Variants in R3HCC1L observed in about 807,000 individuals in gnomAD.
The protein encoded by R3HCC1L is coiled-coil domain-containing protein R3HCC1L.
R3HCC1L carries 51 observed loss-of-function variants against 59.9 expected under a neutral mutation model. The observed-to-expected ratio is 0.85, with a 90% CI of 0.68 to 1.07. R3HCC1L has a LOEUF of 1.07. Among genes scored for constraint, R3HCC1L ranks in the 50% least tolerant of loss-of-function variants. The probability of loss-of-function intolerance (pLI) is 0.00; values close to 1 mark genes in which losing one functional copy is unlikely to be tolerated. For missense variants in R3HCC1L, 965 were observed against 933.0 expected, an observed-to-expected ratio of 1.03 and a Z score of -0.45; for synonymous variants, 322 against 315.2, an observed-to-expected ratio of 1.02 and a Z score of -0.23.
intron 4 of R3HCC1L, among the ~76,000 whole-genome samples, chr10:98,190,001 GAGGATGTTCA>G (rs1315273362): frequency 6.6e-6 from 1 of 152,182 alleles, no homozygotes; most frequent in Non-Finnish European, 1.5e-5. Context: ...ACCACAATTT[GAGGATGTTCA>G]AGTCTCTGAT....
intron 6 of R3HCC1L, among the ~76,000 whole-genome samples, chr10:98,232,334 C>T (rs1402052266): frequency 6.6e-6 from 1 of 152,122 alleles, no homozygotes; most frequent in Admixed American, 6.6e-5. Context: ...TTTTTACGCT[C>T]TGCTCCTGTT....
chr10:98,235,431 A>G lies in R3HCC1L; in HGVS notation c.2039A>G (p.Asp680Gly), dbSNP rs1856819129. The G allele has an allele frequency of 6.2e-7, 1 of 1,612,904 alleles. No individual in the cohort carries two copies. Among genetic ancestry groups the G allele is most frequent in the Non-Finnish European group, 8.5e-7 (1 of 1,179,484 alleles). Residue 680 changes from aspartate (D) to glycine (G), a missense_variant, in exon 8 of 10, where the codon GAT becomes GGT. Asp to Gly is a moderately conservative substitution (Grantham distance 94). Transcript: ENST00000298999. ...GVFSSPITAR[D>G]ALGIKHTMVK... ...CTTTTATTCCTCTTTGCAGCTCGTG[A>G]TGCGTTGGGTATTAAACACACCATG...
intron 1 of R3HCC1L, among the ~76,000 whole-genome samples, chr10:98,153,609 TAAAAAAAA>T (rs1160637755): frequency 1.1e-4 from 9 of 81,018 alleles, no homozygotes; most frequent in African/African-American, 3.0e-4. Context: ...AATGATCAAT[TAAAAAAAA>T]AAAAAAAAAA....
intron 4 of R3HCC1L, among the ~76,000 whole-genome samples, chr10:98,201,266 G>C (rs1011584421): frequency 6.6e-6 from 1 of 152,174 alleles, no homozygotes; most frequent in African/African-American, 2.4e-5. Context: ...GCATTTAAAT[G>C]TATGAGAATT....
At chr10:98,211,275 C>T in intron 5 of R3HCC1L, 1 of 1,334,338 alleles carries the variant, frequency 7.5e-7, no homozygotes, top group African/African-American at 1.5e-5. Flanking sequence ...AATTATTTAG[C>T]CCAGCAAACT....
intron 4 of R3HCC1L, among the ~76,000 whole-genome samples, chr10:98,190,470 A>G (rs962188041): frequency 6.6e-6 from 1 of 152,200 alleles, no homozygotes; most frequent in South Asian, 2.1e-4. Context: ...CCTGTTGTAT[A>G]CTTTTCTGAC....
At chr10:98,177,219 C>G (rs930343946) in intron 4 of R3HCC1L, among the ~76,000 whole-genome samples, 7 of 152,124 alleles carry the variant, frequency 4.6e-5, no homozygotes, top group Admixed American at 4.6e-4. Context: ...TGTGATGTTC[C>G]CCTTCCTGTG....
chr10:98,196,681 T>C (rs531910279), intron 4 of R3HCC1L, among the ~76,000 whole-genome samples: 3 of 152,344 alleles, frequency 2.0e-5, no homozygotes, highest in African/African-American at 7.2e-5. Flanking sequence ...CCACTTCTTA[T>C]GACCTCTGCT....
chr10:98,232,475 T>C (rs990791023), intron 6 of R3HCC1L, among the ~76,000 whole-genome samples: 2 of 151,998 alleles, frequency 1.3e-5, no homozygotes, highest in African/African-American at 4.8e-5. Context: ...GTTAAAAGAG[T>C]TAGAAGTAGA....
At chr10:98,177,764 C>T (rs1278709931) in intron 4 of R3HCC1L, among the ~76,000 whole-genome samples, 1 of 152,148 alleles carries the variant, frequency 6.6e-6, no homozygotes, top group Non-Finnish European at 1.5e-5. Flanking sequence ...TTTTGATTTG[C>T]ATTTTTCTGA....
chr10:98,231,137 T>G, intron 5 of R3HCC1L: 1 of 332,552 alleles, frequency 3.0e-6, no homozygotes, highest in Non-Finnish European at 5.9e-6. Context: ...TAAGCTCAAT[T>G]AAAACAAATA....
chr10:98,187,889 A>G (rs936596179), intron 4 of R3HCC1L, among the ~76,000 whole-genome samples: 1 of 151,872 alleles, frequency 6.6e-6, no homozygotes, highest in Non-Finnish European at 1.5e-5. Flanking sequence ...GATGTGCACC[A>G]CCATGCCCAG....
At chr10:98,180,012 C>A (rs546740894) in intron 4 of R3HCC1L, among the ~76,000 whole-genome samples, 1 of 152,268 alleles carries the variant, frequency 6.6e-6, no homozygotes, top group African/African-American at 2.4e-5. Context: ...AAACCAGCTC[C>A]TGGATTCATT....
At chr10:98,214,662 TTTAA>T (rs1410828763) in intron 5 of R3HCC1L, among the ~76,000 whole-genome samples, 2 of 152,334 alleles carry the variant, frequency 1.3e-5, no homozygotes, top group South Asian at 2.1e-4. Flanking sequence ...GTTTGTTATG[TTTAA>T]TTGTGTTTAA....
At chr10:98,155,419 A>C (rs894495011) in intron 1 of R3HCC1L, among the ~76,000 whole-genome samples, 1 of 152,092 alleles carries the variant, frequency 6.6e-6, no homozygotes, top group East Asian at 1.9e-4. Context: ...TCACTATTAG[A>C]AATATAAAGA....
At chr10:98,178,897 T>A (rs953910224) in intron 4 of R3HCC1L, among the ~76,000 whole-genome samples, 8 of 152,192 alleles carry the variant, frequency 5.3e-5, no homozygotes, top group Admixed American at 1.3e-4. Flanking sequence ...TGCTTGTGAT[T>A]TTTGCACATT....
chr10:98,233,886 G>A (rs1230767996), intron 6 of R3HCC1L, among the ~76,000 whole-genome samples: 2 of 151,886 alleles, frequency 1.3e-5, no homozygotes, highest in Non-Finnish European at 2.9e-5. Flanking sequence ...AACAAGTGAA[G>A]AATAGATCAG....
At position 98,221,811 on chromosome 10, in the gene R3HCC1L, A is replaced by G. The variant is rs1292647871; in HGVS notation, c.1786-9701A>G. Among the ~76,000 whole-genome samples the G allele has an allele frequency of 5.3e-5, 8 of 152,226 alleles. No homozygotes were observed. The South Asian group carries it at 1.2e-3, about 24-fold the overall frequency. ...GTAATATAGTTTGAAGTCAGGTAGC[A>G]TGATGCCTCCAGCTTTGTTCTTTTG... On this transcript the variant is annotated intron_variant, in intron 5 of 9. Coordinates refer to ENST00000298999, the MANE Select transcript of R3HCC1L (RefSeq NM_001351015.2).
chr10:98,178,993 A>G (rs536775552), intron 4 of R3HCC1L, among the ~76,000 whole-genome samples: 184 of 152,304 alleles, frequency 1.2e-3, no homozygotes, highest in African/African-American at 4.1e-3. Context: ...TAAATATACA[A>G]TCATGTCATC....
Sources: gnomAD v4.1 joint callset for allele counts (sites outside exome capture counted in the v4.1 genomes callset) on GRCh38, gnomAD v4.1.1 for gene constraint, MANE v1.5 for transcripts, NCBI Gene and HGNC (gene_info 2026-07-23, HGNC 2026-07-21) for gene names.